The following ZNF273 variants were observed in gnomAD, a reference collection of about 807,000 sequenced individuals.
ZNF273 encodes zinc finger protein 9.
Under a neutral mutation model 14.9 loss-of-function variants are expected in ZNF273, and 11 were observed. That is an observed-to-expected ratio of 0.74 (90% confidence interval 0.46 to 1.22). The LOEUF (loss-of-function observed/expected upper bound fraction) is 1.22, where lower values mean the gene tolerates loss of function less well. Ranked by LOEUF, ZNF273 falls within the 50% of genes most tolerant of loss-of-function variation. The probability of loss-of-function intolerance (pLI) is 0.00; values close to 1 mark genes in which losing one functional copy is unlikely to be tolerated. For synonymous variants in ZNF273, 199 were observed against 223.9 expected (o/e 0.89, Z 0.99); for missense variants, 577 against 660.6 (o/e 0.87, Z 1.39).
At chr7:64,883,912 C>A (rs902822661), downstream of ZNF273, among the ~76,000 whole-genome samples, 3 of 152,170 alleles carry the variant, frequency 2.0e-5, no homozygotes, top group African/African-American at 7.2e-5. Context: ...AACACTGTCA[C>A]GTTTTGCGGA....
downstream of ZNF273, among the ~76,000 whole-genome samples, chr7:64,890,379 C>T (rs369852061): frequency 2.0e-5 from 3 of 152,086 alleles, no homozygotes; most frequent in Non-Finnish European, 2.9e-5. Context: ...GAGCAGGTTC[C>T]GTGATCAGCT....
At chr7:64,898,020 C>G (rs1399758308) in exon 4 of ZNF273, 1 of 152,274 alleles carries the variant, frequency 6.6e-6, no homozygotes, top group South Asian at 2.1e-4. Context: ...AGCCACCGCA[C>G]CCGGCCTCAT....
intron 1 of ZNF273, among the ~76,000 whole-genome samples, chr7:64,907,773 A>C (rs1583985419): frequency 6.6e-6 from 1 of 152,180 alleles, no homozygotes; most frequent in Non-Finnish European, 1.5e-5. Context: ...TGGGAATGGG[A>C]GGCTCTGCTC....
At position 64,928,247 on chromosome 7, in the gene ZNF273, A is replaced by T. The variant is rs756273187; in HGVS notation, c.919A>T (p.Lys307Ter). The change falls in exon 4 of 4, where the codon AAA becomes TAA. Residue 307 changes from lysine (K) to a stop codon, truncating the protein, a stop_gained. Coordinates refer to ENST00000476120, the MANE Select transcript of ZNF273 (RefSeq NM_021148.3). LOFTEE classifies it low-confidence loss of function (END_TRUNC). ...CTTTAGTGTATTTTCAGTCCTTACT[A>T]AACATAAGATAATTCATACAGGAAC... Reference protein sequence around the residue: ...KVFSVFSVLTKHKIIHTGTKP... With the variant: ...KVFSVFSVLT The T allele has an allele frequency of 6.2e-7, 1 of 1,613,090 alleles. No homozygotes were observed. The highest frequency in any genetic ancestry group is 2.2e-5 in the East Asian group (1 of 44,812).
chr7:64,895,797 G>A (rs887549492), intron 3 of ZNF273, among the ~76,000 whole-genome samples: 4 of 152,108 alleles, frequency 2.6e-5, no homozygotes, highest in Non-Finnish European at 5.9e-5. Flanking sequence ...GAATTCTTAG[G>A]CTACTGAGAA....
downstream of ZNF273, among the ~76,000 whole-genome samples, chr7:64,890,578 ACTGT>A (rs1284639235): frequency 6.6e-6 from 1 of 152,190 alleles, no homozygotes; most frequent in African/African-American, 2.4e-5. Flanking sequence ...AGTGGAAGCC[ACTGT>A]CTCAGAGTCA....
rs1794152266 is a variant in ZNF273, at chr7:64,918,231, T to C, written c.264T>C (p.Cys88=). The C allele has an allele frequency of 1.3e-6, 2 of 1,569,530 alleles. No individual in the cohort carries two copies. Among genetic ancestry groups the C allele is most frequent in the South Asian group, 1.1e-5 (1 of 90,596 alleles). The change falls in exon 3 of 4, where the codon TGT becomes TGC. Residue 88 remains cysteine, a synonymous_variant. Transcript: ENST00000476120. ...TCTCTAAGCCAGACCTGATCACTTG[T>C]CTGGAGCAAGGAAAAGAGCCCTGCA... ...IAVSKPDLIT[C]LEQGKEPCNM... is the part of the protein sequence containing the mutation.
Position 64,928,593 on chromosome 7 carries a change from G to T in ZNF273, c.1265G>T (p.Arg422Ile), listed in dbSNP as rs750481366. Residue 422 changes from arginine (R) to isoleucine (I), a missense_variant, in exon 4 of 4, where the codon AGA becomes ATA. Physicochemically the swap from Arg to Ile is moderately conservative, Grantham distance 97 (BLOSUM62 -3). This residue lies in a region of ZNF273 where 411 missense variants were observed against 440.4 expected (regional missense o/e 0.93). Coordinates refer to ENST00000476120, the MANE Select transcript of ZNF273 (RefSeq NM_021148.3). ...TCCACAACTCTTACTAAACATAAGA[G>T]AATTTATACTAAAGAGAAACCATAC... is the stretch of plus-strand genomic sequence containing the variant. Reference protein sequence around the residue: ...KRSTTLTKHKRIYTKEKPYKC... With the variant: ...KRSTTLTKHKIIYTKEKPYKC... 8 of 1,612,910 alleles carry T rather than the reference G, an allele frequency of 5.0e-6. No individual in the cohort carries two copies. Among genetic ancestry groups the T allele is most frequent in the East Asian group, 2.2e-5 (1 of 44,806 alleles).
At chr7:64,912,030 C>T (rs1340656977) in intron 1 of ZNF273, among the ~76,000 whole-genome samples, 1 of 152,194 alleles carries the variant, frequency 6.6e-6, no homozygotes, top group Non-Finnish European at 1.5e-5. Flanking sequence ...AATTGTATGG[C>T]TCACCGTAAA....
At chr7:64,919,740 T>C (rs1030250582) in intron 3 of ZNF273, among the ~76,000 whole-genome samples, 1 of 152,196 alleles carries the variant, frequency 6.6e-6, no homozygotes, top group African/African-American at 2.4e-5. Flanking sequence ...TTTAAGTGTA[T>C]GAAACCATAA....
At chr7:64,880,942 C>T (rs1458060454), downstream of ZNF273, among the ~76,000 whole-genome samples, 1 of 152,166 alleles carries the variant, frequency 6.6e-6, no homozygotes, top group Non-Finnish European at 1.5e-5. Flanking sequence ...GGATTTCATT[C>T]CGGGGACGGA....
downstream of ZNF273, chr7:64,889,520 C>A (rs926241784): frequency 1.0e-6 from 1 of 985,888 alleles, no homozygotes; most frequent in Non-Finnish European, 1.2e-6. The surrounding 1 kb of genome is among the most constrained non-coding windows in gnomAD (Gnocchi z 4.2). Context: ...TGGTTCCTGG[C>A]AGCTCCTGGT....
chr7:64,931,168 A>G (rs4718171), downstream of ZNF273, among the ~76,000 whole-genome samples: 86,476 of 151,906 alleles, frequency 0.57, 24,871 homozygotes, highest in East Asian at 0.7. Context: ...CCTGTTTTCA[A>G]AAGAAAACAG....
At chr7:64,880,781 C>G (rs1057070668), downstream of ZNF273, among the ~76,000 whole-genome samples, 1 of 152,166 alleles carries the variant, frequency 6.6e-6, no homozygotes, top group Non-Finnish European at 1.5e-5. Flanking sequence ...CACCCAAGAA[C>G]AGAAACCCCC....
chr7:64,924,803 AT>A (rs34906700), intron 3 of ZNF273, among the ~76,000 whole-genome samples: 289 of 144,950 alleles, frequency 2.0e-3, no homozygotes, highest in Admixed American at 3.3e-3. Context: ...GATTTTTCAA[AT>A]TTTTTTTTTT....
At chr7:64,893,878 A>G (rs1256240799), downstream of ZNF273, 1 of 153,338 alleles carries the variant, frequency 6.5e-6, no homozygotes, top group Non-Finnish European at 1.5e-5. Flanking sequence ...CATTTCCTGC[A>G]TGTTCCAAAA....
At chr7:64,902,667 G>A (rs1792802225), upstream of ZNF273, among the ~76,000 whole-genome samples, 1 of 152,220 alleles carries the variant, frequency 6.6e-6, no homozygotes, top group African/African-American at 2.4e-5. Flanking sequence ...ATCGGATCGT[G>A]CCACTGCACT....
intron 2 of ZNF273, 130 bp from the exon 3 acceptor site, chr7:64,918,067 A>T: frequency 1.3e-6 from 1 of 781,550 alleles, no homozygotes; most frequent in Non-Finnish European, 1.8e-6. Flanking sequence ...TTAGAAATTT[A>T]CATTACTAAT....
At chr7:64,892,651 G>C (rs1318447340), downstream of ZNF273, among the ~76,000 whole-genome samples, 1 of 152,212 alleles carries the variant, frequency 6.6e-6, no homozygotes, top group Non-Finnish European at 1.5e-5. Flanking sequence ...GCTGCAGAGA[G>C]AGGGGTCCCA....
Sources: allele counts gnomAD v4.1 joint callset (sites outside exome capture counted in the v4.1 genomes callset), GRCh38; gene constraint gnomAD v4.1.1; regional missense constraint gnomAD v4.1.1; non-coding constraint Gnocchi (gnomAD v3.1); transcripts MANE v1.5; gene names NCBI Gene and HGNC (gene_info 2026-07-23, HGNC 2026-07-21).